CTXND1: variants seen among roughly 807,000 people sequenced by gnomAD.
The protein encoded by CTXND1 is cortexin domain-containing 1 protein.
rs147363671 is a variant in CTXND1, at chr15:80,251,186, G to A, written c.-218+821C>T. Among the ~76,000 whole-genome samples the A allele has an allele frequency of 2.7e-3, 412 of 152,300 alleles. 6 individuals carry two copies. The highest frequency in any genetic ancestry group is 9.4e-3 in the African/African-American group (391 of 41,556). The stretch of plus-strand genomic sequence containing the variant: ...GTGGCCCTATTGCACGCCTGGTGAG[G>A]CGGTGCATCAGCTTGGATTTTCTAA... On this transcript the variant is annotated intron_variant, in intron 1 of 2. Transcript: ENST00000560778.
intron 1 of CTXND1, among the ~76,000 whole-genome samples, chr15:80,218,355 G>T (rs1309725623): frequency 6.6e-6 from 1 of 152,100 alleles, no homozygotes; most frequent in African/African-American, 2.4e-5. Flanking sequence ...GCCTAGGCTG[G>T]TCTCAAACTT....
In CTXND1 at chr15:80,199,808, C is replaced by T. The variant is rs369795313; in HGVS notation, c.*1962G>A. ...ACCTAGTAGTGATAGTGCTTTGGAA[C>T]CCATTTTCCAGGTGGCCTGGGCTGT... On this transcript the variant is annotated 3_prime_UTR_variant, in exon 3 of 3. Coordinates refer to ENST00000560778, the MANE Select transcript of CTXND1 (RefSeq NM_001352888.2). 3 of 152,364 alleles carry T rather than the reference C, an allele frequency of 2.0e-5. No homozygotes were observed. The highest frequency in any genetic ancestry group is 3.9e-4 in the East Asian group (2 of 5,172). 9.4% of individuals were successfully genotyped at this position (152,364 alleles called of 1,614,324 possible).
intron 1 of CTXND1, among the ~76,000 whole-genome samples, chr15:80,239,136 C>T (rs1005749868): frequency 9.2e-5 from 14 of 152,168 alleles, no homozygotes; most frequent in South Asian, 4.1e-4. Flanking sequence ...CACCTACTCA[C>T]GCCAGCCCTG....
chr15:80,246,280 C>A (rs1416533001), intron 1 of CTXND1, among the ~76,000 whole-genome samples: 1 of 152,184 alleles, frequency 6.6e-6, no homozygotes, highest in Non-Finnish European at 1.5e-5. Context: ...ACTATGAGAT[C>A]AAGTAAGAAT....
Position 80,212,876 on chromosome 15 carries a change from A to G in CTXND1, c.-217-9136T>C, listed in dbSNP as rs551711360. On this transcript the variant is annotated intron_variant, in intron 1 of 2. Transcript: ENST00000560778. ...CTAAAAATATGTGCTACCCTTCAGG[A>G]AAAAAGGGAGGATGACTCTGAGGGA... is the stretch of plus-strand genomic sequence containing the variant. 2.6e-5 allele frequency among the ~76,000 whole-genome samples: 4 copies of G among 152,304 alleles called. No homozygotes were observed. The South Asian group carries it at 8.3e-4, about 32-fold the overall frequency.
intron 1 of CTXND1, among the ~76,000 whole-genome samples, chr15:80,212,528 G>T (rs1893212384): frequency 6.6e-6 from 1 of 152,130 alleles, no homozygotes; most frequent in Non-Finnish European, 1.5e-5. Flanking sequence ...GTATGCTCTG[G>T]AGAGAAAGCC....
chr15:80,245,756 T>C (rs1203629912), intron 1 of CTXND1, among the ~76,000 whole-genome samples: 8 of 152,160 alleles, frequency 5.3e-5, no homozygotes, highest in Admixed American at 5.2e-4. Context: ...CCTCTCCCTG[T>C]GAAATGCCAC....
At chr15:80,220,709 T>C (rs146803502) in intron 1 of CTXND1, among the ~76,000 whole-genome samples, 134 of 152,252 alleles carry the variant, frequency 8.8e-4, no homozygotes, top group African/African-American at 2.9e-3. Flanking sequence ...CCGTTAATCA[T>C]GTGTTATAAT....
chr15:80,198,399 A>G lies in CTXND1; in HGVS notation c.*3371T>C, dbSNP rs528181211. The G allele has an allele frequency of 6.6e-6, 1 of 152,288 alleles. No individual in the cohort carries two copies. Among genetic ancestry groups the G allele is most frequent in the Admixed American group, 6.5e-5 (1 of 15,302 alleles). The allele number at this position is 152,288 out of a possible 1,614,324, so 9.4% of individuals were successfully genotyped here. On this transcript the variant is annotated 3_prime_UTR_variant, in exon 3 of 3. Coordinates refer to ENST00000560778, the MANE Select transcript of CTXND1 (RefSeq NM_001352888.2). Reference sequence around the variant, plus strand: ...TTGTGGCTACCTTCACAGGCCTCCCATTCTCTAAATGCTTTTCATTTCTTG... The same window carrying G: ...TTGTGGCTACCTTCACAGGCCTCCCGTTCTCTAAATGCTTTTCATTTCTTG...
At chr15:80,210,896 C>T (rs1893197093) in intron 1 of CTXND1, among the ~76,000 whole-genome samples, 1 of 152,310 alleles carries the variant, frequency 6.6e-6, no homozygotes, top group Middle Eastern at 3.4e-3. Flanking sequence ...CCCACAAGAC[C>T]TTTCCTAGGT....
intron 1 of CTXND1, among the ~76,000 whole-genome samples, chr15:80,217,030 G>A (rs954776237): frequency 4.6e-5 from 7 of 152,074 alleles, no homozygotes; most frequent in African/African-American, 1.7e-4. Flanking sequence ...TGTGTGCAGC[G>A]ACTTGACACT....
chr15:80,244,866 A>T (rs1893610492), intron 1 of CTXND1, among the ~76,000 whole-genome samples: 1 of 152,010 alleles, frequency 6.6e-6, no homozygotes, highest in African/African-American at 2.4e-5. Context: ...TCATCATCTC[A>T]TCTGCATTCC....
chr15:80,206,314 GTA>G (rs1402639965), intron 1 of CTXND1, among the ~76,000 whole-genome samples: 1 of 152,160 alleles, frequency 6.6e-6, no homozygotes, highest in East Asian at 1.9e-4. Flanking sequence ...TTTTACAAAT[GTA>G]TATACCCTTG....
At chr15:80,224,276 G>A (rs1337920974) in intron 1 of CTXND1, among the ~76,000 whole-genome samples, 4 of 152,146 alleles carry the variant, frequency 2.6e-5, no homozygotes, top group Admixed American at 6.5e-5. Flanking sequence ...TCCTGAGTGA[G>A]AACAGCCTAG....
chr15:80,218,007 T>C (rs1281808136), intron 1 of CTXND1, among the ~76,000 whole-genome samples: 4 of 152,240 alleles, frequency 2.6e-5, no homozygotes, highest in African/African-American at 7.2e-5. Context: ...CCTTTTCTTA[T>C]AGGAATCTGG....
rs370969728 is a variant in CTXND1 at position 80,201,925 on chromosome 15, C to T, written c.25G>A (p.Val9Ile). 5 of 398,678 alleles carry T rather than the reference C, an allele frequency of 1.3e-5. No homozygotes were observed. Among genetic ancestry groups the T allele is most frequent in the African/African-American group, 2.1e-5 (1 of 48,634 alleles). 24.7% of individuals were successfully genotyped at this position (398,678 alleles called of 1,614,324 possible). Residue 9 changes from valine (V) to isoleucine (I), a missense_variant, in exon 3 of 3, where the codon GTC becomes ATC. Coordinates refer to ENST00000560778, the MANE Select transcript of CTXND1 (RefSeq NM_001352888.2). Reference protein sequence around the residue: MEEPTPEPVYVDVDKGLTL... With the variant: MEEPTPEPIYVDVDKGLTL... ...AGCCCTTTGTCTACGTCGACATAGA[C>T]GGGCTCGGGCGTGGGCTCCTCCATC...
intron 1 of CTXND1, among the ~76,000 whole-genome samples, chr15:80,242,461 T>G (rs1158772341): frequency 6.6e-6 from 1 of 152,206 alleles, no homozygotes; most frequent in African/African-American, 2.4e-5. Flanking sequence ...TTATCTGTTT[T>G]CTAGATTGGG....
At chr15:80,249,473 C>T (rs988860696) in intron 1 of CTXND1, among the ~76,000 whole-genome samples, 1 of 152,190 alleles carries the variant, frequency 6.6e-6, no homozygotes, top group Non-Finnish European at 1.5e-5. Context: ...ATTTCCTTGT[C>T]AGGAAAATGG....
At chr15:80,248,699 G>C (rs1406138066) in intron 1 of CTXND1, among the ~76,000 whole-genome samples, 1 of 152,218 alleles carries the variant, frequency 6.6e-6, no homozygotes, top group Non-Finnish European at 1.5e-5. Flanking sequence ...CAAGAAGCCA[G>C]GGTAGCCGGA....
Sources: allele counts gnomAD v4.1 joint callset (sites outside exome capture counted in the v4.1 genomes callset), GRCh38; gene constraint gnomAD v4.1.1; transcripts MANE v1.5; gene names NCBI Gene and HGNC (gene_info 2026-07-23, HGNC 2026-07-21).